The following COG5 variants were observed in gnomAD, a reference collection of about 807,000 sequenced individuals.
The protein encoded by COG5 is conserved oligomeric Golgi complex subunit 5.
Under a neutral mutation model 110.4 loss-of-function variants are expected in COG5, and 86 were observed. The observed-to-expected ratio is 0.78, with a 90% CI of 0.65 to 0.93. COG5 has a LOEUF of 0.93. Among genes scored for constraint, COG5 ranks in the 40% least tolerant of loss-of-function variants. The probability of loss-of-function intolerance (pLI) is 0.00; values close to 1 mark genes in which losing one functional copy is unlikely to be tolerated. For missense variants in COG5, 1,077 were observed against 987.0 expected (o/e 1.09, Z -1.22); for synonymous variants, 360 against 334.6 (o/e 1.08, Z -0.83).
At chr7:107,277,873 T>C (rs1804827706) in intron 14 of COG5, among the ~76,000 whole-genome samples, 1 of 152,078 alleles carries the variant, frequency 6.6e-6, no homozygotes, top group South Asian at 2.1e-4. Flanking sequence ...GGGAAAAAAA[T>C]ACGTAATCAT....
chr7:107,420,796 T>C (rs1388979872), intron 6 of COG5, among the ~76,000 whole-genome samples: 1 of 152,220 alleles, frequency 6.6e-6, no homozygotes, highest in Non-Finnish European at 1.5e-5. Flanking sequence ...TCTTAATTGA[T>C]ACCATCACAT....
At chr7:107,372,032 T>C (rs1353837105) in intron 8 of COG5, among the ~76,000 whole-genome samples, 1 of 152,212 alleles carries the variant, frequency 6.6e-6, no homozygotes, top group African/African-American at 2.4e-5. Context: ...TATGTCTTGG[T>C]AGGAAAAGGT....
chr7:107,447,717 C>T (rs1795092812), intron 6 of COG5, among the ~76,000 whole-genome samples: 1 of 152,126 alleles, frequency 6.6e-6, no homozygotes, highest in South Asian at 2.1e-4. Context: ...AGATTAAATC[C>T]CAGTTATTTC....
chr7:107,512,148 CA>C (rs1458252197), intron 6 of COG5, among the ~76,000 whole-genome samples: 7 of 152,154 alleles, frequency 4.6e-5, no homozygotes, highest in Non-Finnish European at 7.3e-5. Flanking sequence ...TAGAAAACCC[CA>C]CTGTCTCAGC....
chr7:107,208,247 G>T (rs1472677437), intron 21 of COG5: 1 of 985,262 alleles, frequency 1.0e-6, no homozygotes, highest in Non-Finnish European at 1.2e-6. Context: ...TGGAGGGATG[G>T]ATATGCCTTT....
chr7:107,353,089 T>C (rs1812306565), intron 10 of COG5, among the ~76,000 whole-genome samples: 1 of 152,182 alleles, frequency 6.6e-6, no homozygotes. Context: ...AAAATTCTAA[T>C]TTAAAAATGA....
intron 6 of COG5, among the ~76,000 whole-genome samples, chr7:107,480,101 G>A (rs1373830995): frequency 1.3e-5 from 2 of 151,952 alleles, no homozygotes; most frequent in East Asian, 3.9e-4. Context: ...TAATGAAAGG[G>A]CAAATAAAGC....
At chr7:107,362,219 T>C in intron 9 of COG5, 89 bp downstream of exon 9, 1 of 1,363,344 alleles carries the variant, frequency 7.3e-7, no homozygotes, top group East Asian at 2.4e-5. Flanking sequence ...GAATGCTCAT[T>C]GATTAAAAAA....
Position 107,202,160 on chromosome 7 carries a change from A to AGTTT in COG5, c.*1355_*1356insAAAC, listed in dbSNP as rs1277575022. On this transcript the variant is annotated 3_prime_UTR_variant, in exon 22 of 22. Coordinates refer to ENST00000297135, the MANE Select transcript of COG5 (RefSeq NM_006348.5). ...CACTGTAATGGTGCTATTAACAAAC[A>AGTTT]GTCAACACCATTGTATTTTTTAACT... The AGTTT allele has an allele frequency of 2.6e-5, 4 of 152,716 alleles. No individual in the cohort carries two copies. Among genetic ancestry groups the AGTTT allele is most frequent in the African/African-American group, 9.6e-5 (4 of 41,482 alleles). The allele number at this position is 152,716 out of a possible 1,614,324, so 9.5% of individuals were successfully genotyped here. A position where few individuals can be genotyped will look rare whatever the true frequency, so the allele number is the denominator to read the frequency against.
At chr7:107,311,369 C>CTTTT (rs1363120352) in intron 11 of COG5, among the ~76,000 whole-genome samples, 10 of 82,674 alleles carry the variant, frequency 1.2e-4, no homozygotes, top group African/African-American at 2.9e-4. Flanking sequence ...AGCGTATTTA[C>CTTTT]ATTTTTTTTT....
At chr7:107,504,454 T>G (rs1158140455) in intron 6 of COG5, among the ~76,000 whole-genome samples, 1 of 152,116 alleles carries the variant, frequency 6.6e-6, no homozygotes, top group Non-Finnish European at 1.5e-5. Context: ...TGCTCTGTAG[T>G]TTTCTTTTTT....
At chr7:107,254,758 G>T (rs903505371) in intron 16 of COG5, among the ~76,000 whole-genome samples, 1 of 152,122 alleles carries the variant, frequency 6.6e-6, no homozygotes, top group Admixed American at 6.5e-5. Flanking sequence ...CTGAAATACA[G>T]TCTATGAGTA....
intron 5 of COG5, among the ~76,000 whole-genome samples, chr7:107,539,932 T>G (rs1487394787): frequency 6.6e-6 from 1 of 152,146 alleles, no homozygotes; most frequent in Non-Finnish European, 1.5e-5. Context: ...AGCTTAACAA[T>G]TGTCTCAGAT....
chr7:107,505,304 G>A (rs1798913371), intron 6 of COG5, among the ~76,000 whole-genome samples: 1 of 152,164 alleles, frequency 6.6e-6, no homozygotes, highest in Non-Finnish European at 1.5e-5. Context: ...AGGTGGCCGA[G>A]GAAGCTCTCA....
intron 7 of COG5, among the ~76,000 whole-genome samples, chr7:107,384,371 C>T (rs1391426588): frequency 6.6e-6 from 1 of 152,172 alleles, no homozygotes; most frequent in East Asian, 1.9e-4. Context: ...CCTGCCTGCC[C>T]ACTGAGGTGG....
chr7:107,303,665 T>G (rs1426565090), intron 11 of COG5, among the ~76,000 whole-genome samples: 1 of 151,864 alleles, frequency 6.6e-6, no homozygotes, highest in Non-Finnish European at 1.5e-5. Flanking sequence ...GGTCTCAAAC[T>G]CCTAGGCTCA....
chr7:107,294,713 CTTTTTTTTT>C (rs796291188), intron 12 of COG5, among the ~76,000 whole-genome samples: 1,747 of 110,080 alleles, frequency 0.016, 39 homozygotes, highest in African/African-American at 0.065. Flanking sequence ...AATTTTCTTT[CTTTTTTTTT>C]TTTTTTTTTT....
At chr7:107,396,616 A>G (rs992446290) in intron 7 of COG5, among the ~76,000 whole-genome samples, 1 of 152,116 alleles carries the variant, frequency 6.6e-6, no homozygotes, top group Non-Finnish European at 1.5e-5. Context: ...TTCTACAGAA[A>G]GTGATACACC....
intron 17 of COG5, among the ~76,000 whole-genome samples, chr7:107,243,511 CA>C (rs759045963): frequency 0.26 from 20,522 of 78,204 alleles, 1,347 homozygotes; most frequent in East Asian, 0.34. Flanking sequence ...GACTCCATCT[CA>C]AAAAAAAAAA....
Sources: gnomAD v4.1 joint callset for allele counts (sites outside exome capture counted in the v4.1 genomes callset) on GRCh38, gnomAD v4.1.1 for gene constraint, MANE v1.5 for transcripts, NCBI Gene and HGNC (gene_info 2026-07-23, HGNC 2026-07-21) for gene names.